TSPAN9: variants seen among roughly 807,000 people sequenced by gnomAD.
TSPAN9 encodes tetraspanin-9.
A neutral mutation model predicts 31.0 loss-of-function variants in TSPAN9; 16 were observed. That is an observed-to-expected ratio of 0.52 (90% confidence interval 0.35 to 0.78). The LOEUF (loss-of-function observed/expected upper bound fraction) is 0.78. TSPAN9 is among the 30% of genes least tolerant of loss of function. The pLI, the probability that TSPAN9 is intolerant of heterozygous loss-of-function variation, is 0.01. For missense variants in TSPAN9, 272 were observed against 312.5 expected, an observed-to-expected ratio of 0.87 and a Z score of 0.98; for synonymous variants, 145 against 121.6, an observed-to-expected ratio of 1.19 and a Z score of -1.27.
chr12:3,267,062 G>A (rs555325301), intron 3 of TSPAN9, among the ~76,000 whole-genome samples: 9 of 152,300 alleles, frequency 5.9e-5, no homozygotes, highest in African/African-American at 1.2e-4. Context: ...CAGCTCTGCC[G>A]AACGAGAGGC....
intron 3 of TSPAN9, among the ~76,000 whole-genome samples, chr12:3,248,480 G>A (rs1232075563): frequency 6.6e-6 from 1 of 152,050 alleles, no homozygotes; most frequent in African/African-American, 2.4e-5. Context: ...GCCCTCTCTT[G>A]TTCTTCTCTC....
At chr12:3,141,154 C>T (rs942384682) in intron 2 of TSPAN9, among the ~76,000 whole-genome samples, 13 of 152,020 alleles carry the variant, frequency 8.6e-5, no homozygotes, top group African/African-American at 3.1e-4. Flanking sequence ...GCTCAGCTTC[C>T]ACAGTCTCTG....
intron 7 of TSPAN9, among the ~76,000 whole-genome samples, 198 bp downstream of exon 7, chr12:3,281,527 G>A (rs1862894268): frequency 6.6e-6 from 1 of 152,316 alleles, no homozygotes; most frequent in East Asian, 1.9e-4. Context: ...GAGTCAGAGG[G>A]CGAGGGGTTG....
intron 3 of TSPAN9, among the ~76,000 whole-genome samples, chr12:3,240,598 C>T (rs1011287367): frequency 1.4e-4 from 22 of 152,154 alleles, no homozygotes; most frequent in African/African-American, 5.1e-4. Context: ...TCTTGTCTGT[C>T]GCTATACTAC....
intron 3 of TSPAN9, among the ~76,000 whole-genome samples, chr12:3,263,863 G>C (rs1003758653): frequency 2.6e-5 from 4 of 152,316 alleles, no homozygotes; most frequent in African/African-American, 9.6e-5. Context: ...GCTCTGGATT[G>C]GACCGAGAAC....
At chr12:3,140,841 G>T (rs2098334463) in intron 2 of TSPAN9, among the ~76,000 whole-genome samples, 1 of 152,036 alleles carries the variant, frequency 6.6e-6, no homozygotes, top group Non-Finnish European at 1.5e-5. Flanking sequence ...GACCAGGGGA[G>T]GTTTGGAGGT....
chr12:3,122,388 C>T (rs985252907), intron 2 of TSPAN9, among the ~76,000 whole-genome samples: 1 of 151,856 alleles, frequency 6.6e-6, no homozygotes, highest in Non-Finnish European at 1.5e-5. Flanking sequence ...AATCATAGCT[C>T]ACTGCAGCGT....
At chr12:3,081,844 G>GTGTGTGTGTGTATATATATATATATA (rs57812985) in intron 1 of TSPAN9, among the ~76,000 whole-genome samples, 4 of 116,768 alleles carry the variant, frequency 3.4e-5, no homozygotes, top group East Asian at 5.3e-4. Flanking sequence ...GTCTGTGTGT[G>GTGTGTGTGTGTATATATATATATATA]TATATATATG....
intron 2 of TSPAN9, chr12:3,200,889 C>T (rs533707270): frequency 5.8e-6 from 2 of 342,160 alleles, no homozygotes; most frequent in East Asian, 6.7e-5. Flanking sequence ...CGATGCCCCC[C>T]GCTCCTCGCA....
chr12:3,191,673 G>T (rs2098364496), intron 2 of TSPAN9, among the ~76,000 whole-genome samples: 1 of 152,174 alleles, frequency 6.6e-6, no homozygotes. Flanking sequence ...CTCTGCATGT[G>T]TTCATCAGGT....
Position 3,270,755 on chromosome 12 carries a change from C to T in TSPAN9, c.64-7666C>T, listed in dbSNP as rs184132658. Reference sequence around the variant, plus strand: ...GGGGTAGGGGCTGTCCCCAAAGTCTCGGATAGAATCTCCTTCATCGTGGAC... The same window carrying T: ...GGGGTAGGGGCTGTCCCCAAAGTCTTGGATAGAATCTCCTTCATCGTGGAC... On this transcript the variant is annotated intron_variant, in intron 3 of 8. Transcript: ENST00000011898. Among the ~76,000 whole-genome samples, 10 of 152,352 alleles carry T rather than the reference C, an allele frequency of 6.6e-5. No homozygotes were observed. In the East Asian group the frequency reaches 1.4e-3, roughly 21 times the overall value.
chr12:3,098,756 C>CTTT (rs34790116), intron 2 of TSPAN9, among the ~76,000 whole-genome samples: 1 of 139,952 alleles, frequency 7.1e-6, no homozygotes. Context: ...CTCTCTCTCT[C>CTTT]TTTTTTTTTT....
intron 3 of TSPAN9, among the ~76,000 whole-genome samples, chr12:3,211,390 T>C (rs537967521): frequency 7.7e-4 from 118 of 152,300 alleles, no homozygotes; most frequent in African/African-American, 2.7e-3. Flanking sequence ...AGTCTCAATA[T>C]CTGGTAGGGC....
At chr12:3,087,230 T>C (rs2098300986) in intron 2 of TSPAN9, among the ~76,000 whole-genome samples, 1 of 152,092 alleles carries the variant, frequency 6.6e-6, no homozygotes, top group Non-Finnish European at 1.5e-5. Flanking sequence ...TCTCAATAGA[T>C]CAGTATAGGC....
chr12:3,145,173 A>G (rs1343405398), intron 2 of TSPAN9, among the ~76,000 whole-genome samples: 1 of 152,048 alleles, frequency 6.6e-6, no homozygotes. Context: ...GCGTTTGTCA[A>G]CTGCTTGGAC....
intron 3 of TSPAN9, among the ~76,000 whole-genome samples, chr12:3,234,324 C>T (rs779384363): frequency 1.3e-5 from 2 of 152,276 alleles, no homozygotes; most frequent in South Asian, 4.2e-4. Flanking sequence ...GGCGTCTTAC[C>T]TTCCTCTGAA....
intron 2 of TSPAN9, among the ~76,000 whole-genome samples, chr12:3,085,434 T>C (rs1370633869): frequency 2.6e-5 from 4 of 151,608 alleles, no homozygotes; most frequent in African/African-American, 4.9e-5. Flanking sequence ...TCTGTGCATC[T>C]GCGTTGAAAC....
intron 2 of TSPAN9, among the ~76,000 whole-genome samples, chr12:3,115,888 C>T (rs572206131): frequency 1.5e-4 from 23 of 152,190 alleles, no homozygotes; most frequent in Non-Finnish European, 2.9e-4. Context: ...GCAGCTGTAC[C>T]GTTTTACATT....
intron 3 of TSPAN9, among the ~76,000 whole-genome samples, chr12:3,268,835 T>C (rs1336313720): frequency 4.6e-5 from 5 of 109,460 alleles, no homozygotes; most frequent in African/African-American, 1.6e-4. Context: ...CGTGCATTCC[T>C]GCAGCCTGCC....
Sources: allele counts gnomAD v4.1 joint callset (sites outside exome capture counted in the v4.1 genomes callset), GRCh38; gene constraint gnomAD v4.1.1; transcripts MANE v1.5; gene names NCBI Gene and HGNC (gene_info 2026-07-23, HGNC 2026-07-21).